Variants in AHCYL1 observed in about 807,000 individuals in gnomAD.
The protein encoded by AHCYL1 is S-adenosylhomocysteine hydrolase-like protein 1.
A neutral mutation model predicts 79.3 loss-of-function variants in AHCYL1; 20 were observed. The observed-to-expected ratio is 0.25, with a 90% CI of 0.18 to 0.37. The LOEUF is 0.37. AHCYL1 is among the 10% of genes least tolerant of loss of function. The pLI, the probability that AHCYL1 is intolerant of heterozygous loss-of-function variation, is 1.00. For synonymous variants in AHCYL1, 223 were observed against 242.2 expected, an observed-to-expected ratio of 0.92 and a Z score of 0.74; for missense variants, 330 against 673.6, an observed-to-expected ratio of 0.49 and a Z score of 5.65.
intron 7 of AHCYL1, among the ~76,000 whole-genome samples, 160 bp from the exon 8 acceptor site, chr1:110,016,184 A>G (rs1204006867): frequency 6.6e-6 from 1 of 152,154 alleles, no homozygotes; most frequent in African/African-American, 2.4e-5. Flanking sequence ...GTGTGGAGGG[A>G]TGACAAGGAA....
intron 13 of AHCYL1, 135 bp downstream of exon 13, chr1:110,018,785 T>A (rs1651596893): frequency 2.1e-6 from 2 of 942,414 alleles, no homozygotes; most frequent in Admixed American, 5.4e-5. Context: ...ATTTCACAAA[T>A]TGGTCCCCAA....
Position 109,984,986 on chromosome 1 carries a change from C to A in AHCYL1, c.-67C>A. ...TGTCGGAGGGCGCCGCGCGGGCAGG[C>A]GGGCGGGCGCCAGAGGGGGAAAGAG... On this transcript the variant is annotated 5_prime_UTR_variant, in exon 1 of 17. Transcript: ENST00000369799. 7.2e-7 allele frequency: 1 copy of A among 1,380,518 alleles called. No individual in the cohort carries two copies. The allele number at this position is 1,380,518 out of a possible 1,614,324, so 85.5% of individuals were successfully genotyped here. A position where few individuals can be genotyped will look rare whatever the true frequency, so the allele number is the denominator to read the frequency against.
At chr1:110,018,881 A>G (rs1195729593) in intron 13 of AHCYL1, 170 bp from the exon 14 acceptor site, 9 of 739,900 alleles carry the variant, frequency 1.2e-5, no homozygotes, top group Non-Finnish European at 2.0e-5. Context: ...TCAGACTCAG[A>G]TGGATTTGCA....
At position 109,984,924 on chromosome 1, in the gene AHCYL1, C is replaced by G. The variant is rs1445181761; in HGVS notation, c.-129C>G. The G allele has an allele frequency of 7.6e-7, 1 of 1,309,502 alleles. No homozygotes were observed. Among genetic ancestry groups the G allele is most frequent in the Non-Finnish European group, 9.7e-7 (1 of 1,027,472 alleles). The allele number at this position is 1,309,502 out of a possible 1,614,324, so 81.1% of individuals were successfully genotyped here. Reference sequence around the variant, plus strand: ...CACAGCACCTCAGAAGCCGACGCAGCTCGACGCAGGGGCCGGCAGGAGGGT... The same window carrying G: ...CACAGCACCTCAGAAGCCGACGCAGGTCGACGCAGGGGCCGGCAGGAGGGT... On this transcript the variant is annotated 5_prime_UTR_variant, in exon 1 of 17. Coordinates refer to ENST00000369799, the MANE Select transcript of AHCYL1 (RefSeq NM_006621.7).
At chr1:110,012,104 G>C (rs947721716) in intron 3 of AHCYL1, among the ~76,000 whole-genome samples, 1 of 152,168 alleles carries the variant, frequency 6.6e-6, no homozygotes, top group Non-Finnish European at 1.5e-5. Context: ...ATTTTGATCA[G>C]TTTTAAGGAT....
rs1649379016 is a variant in AHCYL1 at position 109,984,907 on chromosome 1, C to T, written c.-146C>T. On this transcript the variant is annotated 5_prime_UTR_variant, in exon 1 of 17. Coordinates refer to ENST00000369799, the MANE Select transcript of AHCYL1 (RefSeq NM_006621.7). The stretch of plus-strand genomic sequence containing the variant: ...ACAGACAAGGCGTGGGCCACAGCAC[C>T]TCAGAAGCCGACGCAGCTCGACGCA... The T allele has an allele frequency of 7.8e-7, 1 of 1,274,104 alleles. No homozygotes were observed. Among genetic ancestry groups the T allele is most frequent in the African/African-American group, 1.6e-5 (1 of 62,998 alleles). 78.9% of individuals were successfully genotyped at this position (1,274,104 alleles called of 1,614,324 possible). A position where few individuals can be genotyped will look rare whatever the true frequency, so the allele number is the denominator to read the frequency against.
chr1:110,021,266 C>A (rs1319090154), intron 16 of AHCYL1, among the ~76,000 whole-genome samples: 1 of 151,974 alleles, frequency 6.6e-6, no homozygotes, highest in East Asian at 1.9e-4. Flanking sequence ...AACAAAAAAA[C>A]TGTTCCAGTT....
chr1:109,993,239 A>G (rs1303665394), intron 1 of AHCYL1, among the ~76,000 whole-genome samples: 1 of 152,190 alleles, frequency 6.6e-6, no homozygotes, highest in Admixed American at 6.5e-5. Flanking sequence ...CACATAGTAG[A>G]TTATCAAAAC....
rs1198047956 is a variant in AHCYL1, at chr1:109,995,515, G to A, written c.120+10343G>A. 1.7e-5 allele frequency: 4 copies of A among 240,416 alleles called. No homozygotes were observed. The South Asian group carries it at 4.7e-4, about 28-fold the overall frequency. The allele number at this position is 240,416 out of a possible 1,614,324, so 14.9% of individuals were successfully genotyped here. On this transcript the variant is annotated intron_variant, in intron 1 of 16. Coordinates refer to ENST00000369799, the MANE Select transcript of AHCYL1 (RefSeq NM_006621.7). ...CTAACAGATGGAGTTGGCATTAAAG[G>A]TAGATTCTCTACTTCCTTTGCCTTA...
intron 1 of AHCYL1, among the ~76,000 whole-genome samples, chr1:109,987,978 C>T (rs1242840762): frequency 1.3e-5 from 2 of 152,046 alleles, no homozygotes; most frequent in South Asian, 2.1e-4. Flanking sequence ...TATTTATATT[C>T]TTTCTTCAAT....
intron 16 of AHCYL1, among the ~76,000 whole-genome samples, 178 bp downstream of exon 16, chr1:110,021,029 G>A (rs1253426844): frequency 2.0e-5 from 3 of 152,156 alleles, no homozygotes; most frequent in East Asian, 1.9e-4. Flanking sequence ...AGGCCTAGGC[G>A]GATGGATCAC....
intron 1 of AHCYL1, among the ~76,000 whole-genome samples, chr1:110,006,613 T>C (rs1429154857): frequency 6.6e-6 from 1 of 152,184 alleles, no homozygotes; most frequent in Non-Finnish European, 1.5e-5. Context: ...GGGTGAACAA[T>C]GCTCCAGGAG....
At chr1:109,993,526 C>T (rs1227650633) in intron 1 of AHCYL1, among the ~76,000 whole-genome samples, 4 of 152,230 alleles carry the variant, frequency 2.6e-5, no homozygotes, top group South Asian at 2.1e-4. Flanking sequence ...GTGGCTTTGA[C>T]TCACTTTCCC....
At chr1:109,993,512 T>C (rs534259666) in intron 1 of AHCYL1, among the ~76,000 whole-genome samples, 2 of 152,370 alleles carry the variant, frequency 1.3e-5, no homozygotes, top group African/African-American at 2.4e-5. Flanking sequence ...GTTGGACTTA[T>C]GTGGTGGCTT....
chr1:110,013,049 C>CAT, intron 5 of AHCYL1, 50 bp downstream of exon 5: 1 of 1,415,630 alleles, frequency 7.1e-7, no homozygotes, highest in Non-Finnish European at 9.8e-7. Context: ...GTTATCCAAA[C>CAT]ATATAACTTT....
intron 1 of AHCYL1, chr1:110,001,131 GATATT>G: frequency 4.8e-6 from 1 of 209,826 alleles, no homozygotes; most frequent in Non-Finnish European, 8.3e-6. Flanking sequence ...TTAGATCAGT[GATATT>G]CTAGCAGTGA....
At chr1:109,989,798 A>G (rs1243601709) in intron 1 of AHCYL1, among the ~76,000 whole-genome samples, 5 of 152,212 alleles carry the variant, frequency 3.3e-5, no homozygotes, top group Non-Finnish European at 5.9e-5. Context: ...TTTTATTATA[A>G]TTTAGAACTG....
chr1:110,014,737 C>T, intron 5 of AHCYL1, 26 bp from the exon 6 acceptor site: 1 of 1,578,844 alleles, frequency 6.3e-7, no homozygotes, highest in South Asian at 1.1e-5. Flanking sequence ...AAGGAGGAAT[C>T]AGCTGATTCA....
intron 13 of AHCYL1, 190 bp from the exon 14 acceptor site, chr1:110,018,861 C>G (rs1474859831): frequency 1.4e-6 from 1 of 725,486 alleles, no homozygotes; most frequent in Non-Finnish European, 2.3e-6. Flanking sequence ...ACAGCTGATT[C>G]TTTAACCTTT....
Sources: allele counts gnomAD v4.1 joint callset (sites outside exome capture counted in the v4.1 genomes callset), GRCh38; gene constraint gnomAD v4.1.1; transcripts MANE v1.5; gene names NCBI Gene and HGNC (gene_info 2026-07-23, HGNC 2026-07-21).